The following MROH1 variants were observed in gnomAD, a reference collection of about 807,000 sequenced individuals.
MROH1 encodes the protein maestro heat like repeat family member 1, also known as maestro heat-like repeat-containing protein family member 1.
MROH1 carries 117 observed loss-of-function variants against 116.5 expected under a neutral mutation model. The ratio of observed to expected loss-of-function variants is 1.00; its 90% CI spans 0.86 to 1.17. MROH1 has a LOEUF of 1.17. MROH1 is among the 50% of genes most tolerant of loss of function. MROH1 has a pLI of 0.00. For synonymous variants in MROH1, 921 were observed against 583.9 expected (o/e 1.58, Z -8.32); for missense variants, 1,873 against 1,338.5 (o/e 1.40, Z -6.23).
At position 144,240,684 on chromosome 8, in the gene MROH1, C is replaced by T; in HGVS notation, c.1935+7C>T. 1.4e-6 allele frequency: 1 copy of T among 715,624 alleles called. No individual in the cohort carries two copies. Among genetic ancestry groups the T allele is most frequent in the Non-Finnish European group, 2.6e-6 (1 of 384,958 alleles). 44.3% of individuals were successfully genotyped at this position (715,624 alleles called of 1,614,324 possible). A position where few individuals can be genotyped will look rare whatever the true frequency, so the allele number is the denominator to read the frequency against. On this transcript the variant is annotated splice_region_variant and intron_variant, in intron 20 of 43. Transcript: ENST00000326134. ...TGAGGCACCCCAGGAGAAGGTGGGG[C>T]ACCTGCTGGCGTTCTTGGTGTGGTA...
intron 14 of MROH1, among the ~76,000 whole-genome samples, chr8:144,225,654 C>T (rs1429367543): frequency 4.0e-5 from 6 of 151,680 alleles, no homozygotes; most frequent in African/African-American, 1.2e-4. Flanking sequence ...CAGGTTCAGG[C>T]GATTCTCCTG....
chr8:144,152,059 G>A (rs914339021), intron 1 of MROH1, among the ~76,000 whole-genome samples: 2 of 152,196 alleles, frequency 1.3e-5, no homozygotes, highest in Non-Finnish European at 2.9e-5. Flanking sequence ...TTTGCATACA[G>A]TAGTCCTTCC....
rs140636286 is a variant in MROH1 at position 144,200,383 on chromosome 8, T to G, written c.1028-45T>G. ...AGTAGGTGGACGCTGTGTATAGGGATGAACAAGATGACATGGAGCCTAATC... is the reference window on the plus strand; with the variant it reads ...AGTAGGTGGACGCTGTGTATAGGGAGGAACAAGATGACATGGAGCCTAATC... On this transcript the variant is annotated intron_variant, in intron 11 of 43. Transcript: ENST00000326134. 165 of 1,442,434 alleles carry G rather than the reference T, an allele frequency of 1.1e-4. No individual in the cohort carries two copies. The East Asian group carries it at 4.1e-3, about 36-fold the overall frequency. 89.4% of individuals were successfully genotyped at this position (1,442,434 alleles called of 1,614,324 possible).
At chr8:144,208,525 G>A (rs1833365243) in intron 12 of MROH1, among the ~76,000 whole-genome samples, 1 of 151,928 alleles carries the variant, frequency 6.6e-6, no homozygotes, top group Admixed American at 6.6e-5. Context: ...TGGATGAAGG[G>A]CCCACCCTAC....
At chr8:144,169,145 G>A (rs753787731) in intron 4 of MROH1, among the ~76,000 whole-genome samples, 8 of 152,234 alleles carry the variant, frequency 5.3e-5, no homozygotes, top group East Asian at 3.8e-4. Context: ...TGTTATGCAC[G>A]CTTTCTAGTT....
In MROH1 at chr8:144,160,291, G is replaced by C. The variant is rs148371230; in HGVS notation, c.-176-679G>C. Among the ~76,000 whole-genome samples, 747 of 152,272 alleles carry C rather than the reference G, an allele frequency of 4.9e-3. 5 individuals are homozygous for C. Among genetic ancestry groups the C allele is most frequent in the Non-Finnish European group, 8.1e-3 (549 of 68,022 alleles). On this transcript the variant is annotated intron_variant, in intron 1 of 43. Transcript: ENST00000326134. ...GTTGTTTACTGAGGTGGAATCCTGA[G>C]CTCTGCCTGGTGCCCCATGAGTCAT...
intron 34 of MROH1, 59 bp from the exon 35 acceptor site, chr8:144,255,450 G>A (rs1466197578): frequency 4.0e-6 from 3 of 757,588 alleles, no homozygotes; most frequent in Non-Finnish European, 7.3e-6. Context: ...ATTGGGTGCA[G>A]GGCTCAGATC....
intron 14 of MROH1, 21 bp downstream of exon 14, chr8:144,223,251 C>T (rs1455545629): frequency 3.2e-6 from 5 of 1,581,614 alleles, no homozygotes; most frequent in Non-Finnish European, 4.3e-6. Context: ...GCCACCTTGC[C>T]TGCCTCCTAG....
At chr8:144,167,042 G>C (rs1377667844) in intron 3 of MROH1, among the ~76,000 whole-genome samples, 1 of 152,196 alleles carries the variant, frequency 6.6e-6, no homozygotes, top group East Asian at 1.9e-4. Context: ...ACTGAGTCAC[G>C]CACTGATGCC....
At chr8:144,258,208 A>T (rs1279086614) in intron 35 of MROH1, among the ~76,000 whole-genome samples, 4 of 152,132 alleles carry the variant, frequency 2.6e-5, no homozygotes, top group African/African-American at 7.2e-5. Context: ...GGAGTCAGAG[A>T]GTTGGCCAAG....
intron 1 of MROH1, among the ~76,000 whole-genome samples, chr8:144,153,009 A>G (rs1817211347): frequency 6.6e-6 from 1 of 152,106 alleles, no homozygotes; most frequent in Non-Finnish European, 1.5e-5. Flanking sequence ...CCTGTGACCA[A>G]CATCTCCCTA....
At position 144,199,202 on chromosome 8, in the gene MROH1, T is replaced by C; in HGVS notation, c.1027+2T>C. The C allele has an allele frequency of 6.2e-7, 1 of 1,612,258 alleles. No homozygotes were observed. ...TGCTGCGCTGCTTCACTGTGCTGGG[T>C]GAGTGGTGGGCCCAGCTTTGCCCAT... On this transcript the variant is annotated splice_donor_variant, in intron 11 of 43. Transcript: ENST00000326134. LOFTEE classifies it high-confidence loss of function.
intron 26 of MROH1, 83 bp downstream of exon 26, chr8:144,244,025 C>T (rs1051850913): frequency 4.5e-5 from 33 of 737,984 alleles, no homozygotes; most frequent in East Asian, 7.8e-5. Flanking sequence ...CGTGTATGCG[C>T]GTGTGCATGT....
At chr8:144,175,048 A>T in intron 4 of MROH1, 1 of 985,476 alleles carries the variant, frequency 1.0e-6, no homozygotes, top group Non-Finnish European at 1.2e-6. Context: ...CATGAAGAGA[A>T]TTAGTAGCTA....
chr8:144,173,291 A>G (rs1822960364), intron 4 of MROH1, among the ~76,000 whole-genome samples: 1 of 151,596 alleles, frequency 6.6e-6, no homozygotes, highest in African/African-American at 2.4e-5. Flanking sequence ...TAGTTTTAGT[A>G]GAGATTGGGT....
intron 7 of MROH1, among the ~76,000 whole-genome samples, chr8:144,186,954 C>T (rs768951924): frequency 2.0e-5 from 3 of 151,978 alleles, no homozygotes; most frequent in African/African-American, 7.3e-5. Flanking sequence ...TTAAATTAGC[C>T]GGGTGTGGCA....
Position 144,255,570 on chromosome 8 carries a change from T to C in MROH1, c.3656T>C (p.Leu1219Pro). 1.3e-6 allele frequency: 1 copy of C among 779,390 alleles called. No homozygotes were observed. The highest frequency in any genetic ancestry group is 2.4e-6 in the Non-Finnish European group (1 of 417,780). 48.3% of individuals were successfully genotyped at this position (779,390 alleles called of 1,614,324 possible). Residue 1219 changes from leucine (L) to proline (P), a missense_variant, in exon 35 of 44, where the codon CTC becomes CCC. Transcript: ENST00000326134. ...GCAGCGGGGCCCGCGGTGCTCGAGC[T>C]CTACCCCCAGCTGTTTGTGGTGCTT... ...TPAAGPAVLE[L>P]YPQLFVVLLL...
chr8:144,212,739 G>A (rs1381531409), intron 12 of MROH1, among the ~76,000 whole-genome samples: 3 of 151,726 alleles, frequency 2.0e-5, no homozygotes, highest in Non-Finnish European at 2.9e-5. Flanking sequence ...ACAGGCATGC[G>A]CCACGACACC....
rs1844793157 is a variant in MROH1 at position 144,260,378 on chromosome 8, G to A, written c.4380+4G>A. 2.8e-6 allele frequency: 2 copies of A among 713,260 alleles called. No individual in the cohort carries two copies. Among genetic ancestry groups the A allele is most frequent in the East Asian group, 2.6e-5 (1 of 37,932 alleles). 44.2% of individuals were successfully genotyped at this position (713,260 alleles called of 1,614,324 possible). A position where few individuals can be genotyped will look rare whatever the true frequency, so the allele number is the denominator to read the frequency against. On this transcript the variant is annotated splice_donor_region_variant and intron_variant, in intron 39 of 43. Coordinates refer to ENST00000326134, the MANE Select transcript of MROH1 (RefSeq NM_032450.3). The stretch of plus-strand genomic sequence containing the variant: ...CATCCGGCCTTTCTTCGACAGTGTA[G>A]GCTGGTTGGGGCAGGGGGAGGGAAG...
Sources: allele counts gnomAD v4.1 joint callset (sites outside exome capture counted in the v4.1 genomes callset), GRCh38; gene constraint gnomAD v4.1.1; transcripts MANE v1.5; gene names NCBI Gene and HGNC (gene_info 2026-07-23, HGNC 2026-07-21).